IQCM: variants seen among roughly 807,000 people sequenced by gnomAD.
IQCM encodes IQ domain-containing protein M.
A neutral mutation model predicts 57.6 loss-of-function variants in IQCM; 45 were observed. The ratio of observed to expected loss-of-function variants is 0.78; its 90% CI spans 0.62 to 1.00. The LOEUF (loss-of-function observed/expected upper bound fraction) is 1.00, where lower values mean the gene tolerates loss of function less well. Among genes scored for constraint, IQCM ranks in the 50% least tolerant of loss-of-function variants. IQCM has a pLI of 0.00. For synonymous variants in IQCM, 148 were observed against 158.9 expected (o/e 0.93, Z 0.51); for missense variants, 468 against 511.6 (o/e 0.91, Z 0.82).
intron 7 of IQCM, among the ~76,000 whole-genome samples, chr4:149,649,572 G>T (rs904521559): frequency 1.3e-5 from 2 of 152,082 alleles, no homozygotes; most frequent in Non-Finnish European, 2.9e-5. Context: ...CAAAAAGGAT[G>T]ATTTATTCAA....
At chr4:149,417,570 A>G (rs1171294075) in intron 13 of IQCM, among the ~76,000 whole-genome samples, 1 of 152,124 alleles carries the variant, frequency 6.6e-6, no homozygotes, top group Non-Finnish European at 1.5e-5. Context: ...CTAAATTAGA[A>G]ACATAATTCA....
intron 5 of IQCM, among the ~76,000 whole-genome samples, chr4:149,703,168 T>C (rs550867956): frequency 1.3e-5 from 2 of 152,076 alleles, no homozygotes; most frequent in South Asian, 4.1e-4. Flanking sequence ...AATGCATACA[T>C]ACTTAAATGT....
chr4:149,691,352 G>A (rs1482631395), intron 5 of IQCM, among the ~76,000 whole-genome samples: 1 of 152,070 alleles, frequency 6.6e-6, no homozygotes, highest in Non-Finnish European at 1.5e-5. Context: ...ATTCCTGTTT[G>A]TTTACTGTAC....
chr4:149,772,023 T>C (rs1770635725), intron 2 of IQCM, among the ~76,000 whole-genome samples: 1 of 152,178 alleles, frequency 6.6e-6, no homozygotes. Flanking sequence ...ATGTCCTGGC[T>C]GAAATGATCA....
At position 149,742,742 on chromosome 4, in the gene IQCM, T is replaced by C; in HGVS notation, c.-48-3A>G. On this transcript the variant is annotated splice_region_variant and splice_polypyrimidine_tract_variant and intron_variant, in intron 2 of 13. Transcript: ENST00000636793. ...TTTTAAAGTGTGAGCTCCAAGTCCT[T>C]AAACACAGTTACATTAAGTAATTCA... The C allele has an allele frequency of 9.0e-7, 1 of 1,112,390 alleles. No individual in the cohort carries two copies. The highest frequency in any genetic ancestry group is 1.1e-6 in the Non-Finnish European group (1 of 879,060). 68.9% of individuals were successfully genotyped at this position (1,112,390 alleles called of 1,614,324 possible).
intron 7 of IQCM, among the ~76,000 whole-genome samples, chr4:149,669,513 G>A (rs1761055640): frequency 6.6e-6 from 1 of 152,124 alleles, no homozygotes; most frequent in Admixed American, 6.5e-5. Flanking sequence ...GGCTTTTGTT[G>A]CCATTGCTTT....
At chr4:149,574,405 G>A (rs1751450699) in intron 9 of IQCM, among the ~76,000 whole-genome samples, 1 of 151,876 alleles carries the variant, frequency 6.6e-6, no homozygotes, top group African/African-American at 2.4e-5. Context: ...CATCACAGAA[G>A]AGACCACTCC....
At chr4:149,452,929 G>T (rs967254214) in intron 12 of IQCM, among the ~76,000 whole-genome samples, 1 of 150,828 alleles carries the variant, frequency 6.6e-6, no homozygotes, top group Non-Finnish European at 1.5e-5. Context: ...AGGATATATT[G>T]CATGATGCTA....
At chr4:149,669,852 C>G (rs1761095854) in intron 7 of IQCM, among the ~76,000 whole-genome samples, 1 of 152,100 alleles carries the variant, frequency 6.6e-6, no homozygotes, top group African/African-American at 2.4e-5. Flanking sequence ...GTTTTGGTAC[C>G]AGCACCATGC....
chr4:149,674,275 G>C (rs950384203), intron 7 of IQCM, among the ~76,000 whole-genome samples: 1 of 152,000 alleles, frequency 6.6e-6, no homozygotes, highest in Admixed American at 6.6e-5. Flanking sequence ...ATGATAATTG[G>C]TACAACACTT....
intron 5 of IQCM, among the ~76,000 whole-genome samples, chr4:149,708,370 G>C (rs75371955): frequency 2.7e-3 from 411 of 151,876 alleles, no homozygotes; most frequent in African/African-American, 9.6e-3. Flanking sequence ...TAGGATCATA[G>C]ACAGGAACTT....
chr4:149,628,078 C>T (rs1325192473), intron 7 of IQCM, among the ~76,000 whole-genome samples: 2 of 152,096 alleles, frequency 1.3e-5, no homozygotes, highest in Non-Finnish European at 2.9e-5. Context: ...CTAGCCTCTA[C>T]AAATATAAGA....
chr4:149,498,533 G>A (rs1028170056), intron 12 of IQCM, among the ~76,000 whole-genome samples: 2 of 152,124 alleles, frequency 1.3e-5, no homozygotes, highest in Non-Finnish European at 2.9e-5. Context: ...TGGTACAGCA[G>A]GCTCTGAGCA....
At chr4:149,678,673 T>C (rs900449294) in intron 7 of IQCM, among the ~76,000 whole-genome samples, 25 of 151,570 alleles carry the variant, frequency 1.6e-4, no homozygotes, top group African/African-American at 6.0e-4. Context: ...CACTAATAAA[T>C]AAATCTAGTA....
chr4:149,437,063 C>T (rs990670745), intron 12 of IQCM, among the ~76,000 whole-genome samples: 13 of 152,070 alleles, frequency 8.5e-5, no homozygotes, highest in African/African-American at 3.1e-4. Context: ...TCAATGCCTC[C>T]TAGCTGGTAA....
intron 2 of IQCM, among the ~76,000 whole-genome samples, chr4:149,798,972 C>T (rs1221208205): frequency 6.6e-6 from 1 of 151,608 alleles, no homozygotes; most frequent in African/African-American, 2.4e-5. Context: ...TTGCACTATA[C>T]ACCAATTGGA....
At chr4:149,740,624 T>C (rs1767370772) in intron 3 of IQCM, among the ~76,000 whole-genome samples, 1 of 152,088 alleles carries the variant, frequency 6.6e-6, no homozygotes, top group Non-Finnish European at 1.5e-5. Flanking sequence ...GCTAAGGCAG[T>C]GGTTTTAAAT....
intron 7 of IQCM, among the ~76,000 whole-genome samples, chr4:149,669,161 T>C (rs1761015858): frequency 6.6e-6 from 1 of 152,216 alleles, no homozygotes; most frequent in African/African-American, 2.4e-5. Flanking sequence ...GACTTTTTCA[T>C]GATCGCCATT....
chr4:149,462,976 AAATTTT>A (rs1194322402), intron 12 of IQCM, among the ~76,000 whole-genome samples: 1 of 152,238 alleles, frequency 6.6e-6, no homozygotes, highest in Non-Finnish European at 1.5e-5. Flanking sequence ...CCTTTTCTAC[AAATTTT>A]AAATATCCGT....
Sources: gnomAD v4.1 joint callset for allele counts (sites outside exome capture counted in the v4.1 genomes callset) on GRCh38, gnomAD v4.1.1 for gene constraint, MANE v1.5 for transcripts, NCBI Gene and HGNC (gene_info 2026-07-23, HGNC 2026-07-21) for gene names.